Variants in EIF2AK4 observed in about 807,000 individuals in gnomAD.
EIF2AK4 encodes the protein eIF-2-alpha kinase GCN2.
Under a neutral mutation model 211.1 loss-of-function variants are expected in EIF2AK4, and 139 were observed. The ratio of observed to expected loss-of-function variants is 0.66; its 90% CI spans 0.57 to 0.76. EIF2AK4 has a LOEUF of 0.76. Among genes scored for constraint, EIF2AK4 ranks in the 30% least tolerant of loss-of-function variants. EIF2AK4 has a pLI of 0.00. For missense variants in EIF2AK4, 1,664 were observed against 2,043.8 expected (o/e 0.81, Z 3.58); for synonymous variants, 710 against 751.3 (o/e 0.94, Z 0.90).
chr15:39,943,400 T>TA lies in EIF2AK4; in HGVS notation c.281dup (p.Asn94LysfsTer8), dbSNP rs1595541066. 1.9e-6 allele frequency: 3 copies of TA among 1,546,616 alleles called. No homozygotes were observed. Among genetic ancestry groups the TA allele is most frequent in the East Asian group, 2.4e-5 (1 of 41,436 alleles). The stretch of plus-strand genomic sequence containing the variant: ...TTTTCCAGAGTTCCTGAAATAGAGT[T>TA]AAAAAATGCCAAAGGTCTATCAAAT... On this transcript the variant is annotated frameshift_variant, in exon 3 of 39. Coordinates refer to ENST00000263791, the MANE Select transcript of EIF2AK4 (RefSeq NM_001013703.4). LOFTEE classifies it high-confidence loss of function.
chr15:39,972,809 G>A (rs2034642936), intron 9 of EIF2AK4, 99 bp from the exon 10 acceptor site: 4 of 859,822 alleles, frequency 4.7e-6, no homozygotes, highest in Non-Finnish European at 7.6e-6. Context: ...ATTCTATAAT[G>A]TGTATCTTTA....
intron 13 of EIF2AK4, among the ~76,000 whole-genome samples, chr15:39,981,145 G>A (rs1191670711): frequency 6.6e-6 from 1 of 152,204 alleles, no homozygotes; most frequent in Non-Finnish European, 1.5e-5. Flanking sequence ...GCCAAGGCAG[G>A]TGGATCACCT....
intron 29 of EIF2AK4, 150 bp from the exon 30 acceptor site, chr15:40,018,943 T>C: frequency 1.5e-6 from 1 of 648,502 alleles, no homozygotes; most frequent in Non-Finnish European, 2.7e-6. Flanking sequence ...GTGTGCTTGC[T>C]TCTCTATTTT....
intron 18 of EIF2AK4, 82 bp downstream of exon 18, chr15:39,992,930 G>T (rs2034965451): frequency 1.5e-6 from 2 of 1,336,680 alleles, no homozygotes; most frequent in South Asian, 1.2e-5. Context: ...TTTAGTCCCG[G>T]CTAAAATAGT....
chr15:39,974,821 A>AC (rs1305551781), intron 11 of EIF2AK4: 3 of 151,976 alleles, frequency 2.0e-5, no homozygotes, highest in Non-Finnish European at 4.4e-5. Flanking sequence ...CACAGCCCTC[A>AC]CCTCCTACCT....
At position 39,939,548 on chromosome 15, in the gene EIF2AK4, G is replaced by A; in HGVS notation, c.188G>A (p.Gly63Asp). Residue 63 changes from glycine to aspartate, a missense_variant, in exon 2 of 39, where the codon GGC becomes GAC. Coordinates refer to ENST00000263791, the MANE Select transcript of EIF2AK4 (RefSeq NM_001013703.4). ...PEINLVLYPQ[G>D]LTGEEVYVKV... Reference sequence around the variant, plus strand: ...ATCAATTTAGTTTTGTACCCTCAAGGCCTAACTGGTGAAGAAGTATATGTA... The same window carrying A: ...ATCAATTTAGTTTTGTACCCTCAAGACCTAACTGGTGAAGAAGTATATGTA... 1 of 1,612,756 alleles carries A rather than the reference G, an allele frequency of 6.2e-7. No individual in the cohort carries two copies. Among genetic ancestry groups the A allele is most frequent in the East Asian group, 2.2e-5 (1 of 44,776 alleles).
intron 32 of EIF2AK4, among the ~76,000 whole-genome samples, chr15:40,022,926 G>A (rs1408877065): frequency 1.3e-5 from 2 of 152,234 alleles, no homozygotes; most frequent in African/African-American, 4.8e-5. Context: ...GTGGAGACGG[G>A]GTTTCACCAT....
intron 9 of EIF2AK4, among the ~76,000 whole-genome samples, chr15:39,972,178 G>C (rs369292413): frequency 6.6e-6 from 1 of 151,948 alleles, no homozygotes; most frequent in African/African-American, 2.4e-5. Flanking sequence ...GGGCAGTGTG[G>C]TGAAACCCTA....
chr15:39,976,282 C>A, intron 11 of EIF2AK4, 132 bp from the exon 12 acceptor site: 2 of 900,106 alleles, frequency 2.2e-6, no homozygotes, highest in Non-Finnish European at 3.2e-6. Flanking sequence ...GAATTTCAGG[C>A]ATGTGGTTCT....
intron 1 of EIF2AK4, 39 bp downstream of exon 1, chr15:39,934,378 T>G: frequency 6.3e-7 from 1 of 1,574,848 alleles, no homozygotes; most frequent in Middle Eastern, 1.7e-4. Context: ...TGGCGTGCCC[T>G]GGCCTCCCCG....
chr15:40,017,525 A>G (rs1275299900), intron 29 of EIF2AK4, among the ~76,000 whole-genome samples: 3 of 84,162 alleles, frequency 3.6e-5, no homozygotes, highest in African/African-American at 1.8e-4. Context: ...ATATATATAT[A>G]TATATATATA....
intron 16 of EIF2AK4, 151 bp from the exon 17 acceptor site, chr15:39,992,024 T>C (rs2034950521): frequency 1.4e-6 from 1 of 707,352 alleles, no homozygotes; most frequent in Non-Finnish European, 2.2e-6. Context: ...GTGGGTTAAC[T>C]AAACTAGAAA....
chr15:40,008,084 A>T lies in EIF2AK4; in HGVS notation c.3465A>T (p.Glu1155Asp). The T allele has an allele frequency of 6.2e-7, 1 of 1,611,284 alleles. No individual in the cohort carries two copies. Among genetic ancestry groups the T allele is most frequent in the Non-Finnish European group, 8.5e-7 (1 of 1,178,916 alleles). The change falls in exon 25 of 39, where the codon GAA (glutamate) becomes GAT (aspartate). Residue 1155 changes from glutamate to aspartate, a missense_variant. By Grantham distance (45) the Glu-to-Asp change is conservative. This residue lies in a region of EIF2AK4 where 622 missense variants were observed against 796.8 expected (regional missense o/e 0.78). Transcript: ENST00000263791. The part of the protein sequence containing the change: ...PRKLDRFHPK[E>D]LLECAFDIVT... ...AGTTAGATCGATTTCATCCCAAAGA[A>T]CTTCTGGAGTGTGCATTTGATATTG... is the stretch of plus-strand genomic sequence containing the variant.
At chr15:39,952,637 A>G (rs569212442) in intron 4 of EIF2AK4, among the ~76,000 whole-genome samples, 2 of 152,140 alleles carry the variant, frequency 1.3e-5, no homozygotes, top group South Asian at 4.1e-4. Context: ...TACAGATATT[A>G]CTATTTCTTA....
At position 39,948,612 on chromosome 15, in the gene EIF2AK4, T is replaced by C. The variant is rs1274478030; in HGVS notation, c.361-504T>C. Among the ~76,000 whole-genome samples the C allele has an allele frequency of 3.3e-5, 5 of 152,212 alleles. No homozygotes were observed. The East Asian group carries it at 9.6e-4, about 29-fold the overall frequency. ...TATTGACCAGTTACTAACAAGGAGA[T>C]AATAAGGCCTTTAAATATTTGCCTC... On this transcript the variant is annotated intron_variant, in intron 3 of 38. Coordinates refer to ENST00000263791, the MANE Select transcript of EIF2AK4 (RefSeq NM_001013703.4).
chr15:39,951,502 T>C (rs2034313862), intron 4 of EIF2AK4: 2 of 410,410 alleles, frequency 4.9e-6, no homozygotes, highest in Non-Finnish European at 9.5e-6. Context: ...ACTTGCCTTC[T>C]GCAAAGCACC....
chr15:40,007,917 C>A, intron 24 of EIF2AK4, 110 bp from the exon 25 acceptor site: 2 of 833,974 alleles, frequency 2.4e-6, no homozygotes, highest in Non-Finnish European at 1.8e-6. Flanking sequence ...TTGATCATAC[C>A]ACCGATTAAT....
rs2034228809 is a variant in EIF2AK4, at chr15:39,946,475, T to A, written c.361-2641T>A. On this transcript the variant is annotated intron_variant, in intron 3 of 38. Transcript: ENST00000263791. ...AAACTTTAACAGATGATTAGTTGCCTCTTATAGATTAGGAGAGAAAGTGGT... is the reference window on the plus strand; with the variant it reads ...AAACTTTAACAGATGATTAGTTGCCACTTATAGATTAGGAGAGAAAGTGGT... The A allele has an allele frequency of 2.1e-5, 14 of 673,342 alleles. No individual in the cohort carries two copies. The East Asian group carries it at 3.8e-4, about 18-fold the overall frequency. The allele number at this position is 673,342 out of a possible 1,614,324, so 41.7% of individuals were successfully genotyped here.
chr15:39,943,327 C>T, intron 2 of EIF2AK4, 56 bp from the exon 3 acceptor site: 4 of 1,341,006 alleles, frequency 3.0e-6, no homozygotes, highest in Non-Finnish European at 4.0e-6. Flanking sequence ...TTAATGCAAA[C>T]AGGCTATACT....
Sources: gnomAD v4.1 joint callset for allele counts (sites outside exome capture counted in the v4.1 genomes callset) on GRCh38, gnomAD v4.1.1 for gene constraint, gnomAD v4.1.1 regional missense constraint, MANE v1.5 for transcripts, NCBI Gene and HGNC (gene_info 2026-07-23, HGNC 2026-07-21) for gene names.